PLS1: variants seen among roughly 807,000 people sequenced by gnomAD.
PLS1 encodes plastin-1.
Under a neutral mutation model 73.7 loss-of-function variants are expected in PLS1, and 32 were observed. That is an observed-to-expected ratio of 0.43 (90% CI 0.33 to 0.58). The LOEUF (loss-of-function observed/expected upper bound fraction) is 0.58. Ranked by LOEUF, PLS1 falls within the 20% of genes least tolerant of loss-of-function variation. PLS1 has a pLI of 0.04. For missense variants in PLS1, 633 were observed against 740.5 expected, an observed-to-expected ratio of 0.85 and a Z score of 1.68; for synonymous variants, 217 against 261.3, an observed-to-expected ratio of 0.83 and a Z score of 1.63.
At chr3:142,596,849 G>C (rs1011688093) in intron 1 of PLS1, among the ~76,000 whole-genome samples, 1 of 152,198 alleles carries the variant, frequency 6.6e-6, no homozygotes, top group Admixed American at 6.5e-5. Flanking sequence ...TTCTGAACCA[G>C]CCTGTTTTGT....
chr3:142,638,117 T>C (rs1209649435), intron 1 of PLS1, among the ~76,000 whole-genome samples: 1 of 152,186 alleles, frequency 6.6e-6, no homozygotes, highest in Non-Finnish European at 1.5e-5. Context: ...AATAAAACTT[T>C]TTTATTCTAT....
chr3:142,648,988 C>T (rs2037019988), intron 1 of PLS1, among the ~76,000 whole-genome samples: 1 of 152,114 alleles, frequency 6.6e-6, no homozygotes, highest in Non-Finnish European at 1.5e-5. Flanking sequence ...ATATTTTTTA[C>T]TCTCAGATAC....
At chr3:142,701,388 T>C (rs1356603083) in intron 12 of PLS1, among the ~76,000 whole-genome samples, 1 of 152,308 alleles carries the variant, frequency 6.6e-6, no homozygotes, top group East Asian at 1.9e-4. Flanking sequence ...AAGCTGAAAA[T>C]CTGAAATGCT....
At chr3:142,685,691 T>G (rs1400379818) in intron 8 of PLS1, among the ~76,000 whole-genome samples, 1 of 152,226 alleles carries the variant, frequency 6.6e-6, no homozygotes, top group Non-Finnish European at 1.5e-5. Flanking sequence ...TCTTAAGATT[T>G]GGGCGTGGAA....
intron 1 of PLS1, among the ~76,000 whole-genome samples, chr3:142,602,687 T>G (rs940684340): frequency 6.6e-6 from 1 of 151,924 alleles, no homozygotes; most frequent in Non-Finnish European, 1.5e-5. Context: ...CATAGAGAAC[T>G]TACTCTCCTG....
At position 142,694,483 on chromosome 3, in the gene PLS1, G is replaced by A. The variant is rs1414660123; in HGVS notation, c.1192G>A (p.Glu398Lys). 1 of 1,602,906 alleles carries A rather than the reference G, an allele frequency of 6.2e-7. No individual in the cohort carries two copies. The highest frequency in any genetic ancestry group is 1.1e-5 in the South Asian group (1 of 90,818). Residue 398 changes from glutamate to lysine, a missense_variant, in exon 11 of 16, where the codon GAG (glutamate) becomes AAG (lysine). Transcript: ENST00000457734. ...MNLLEGESKE[E>K]RTFRNWMNSL... Reference sequence around the variant, plus strand: ...GTCTACTCTAGGAGAGAGCAAGGAAGAGAGAACATTTCGGAACTGGATGAA... The same window carrying A: ...GTCTACTCTAGGAGAGAGCAAGGAAAAGAGAACATTTCGGAACTGGATGAA...
intron 1 of PLS1, among the ~76,000 whole-genome samples, chr3:142,660,365 T>C (rs2037342636): frequency 6.6e-6 from 1 of 152,174 alleles, no homozygotes; most frequent in Non-Finnish European, 1.5e-5. Context: ...CCCATTCCAA[T>C]AAACCCGTCC....
intron 14 of PLS1, among the ~76,000 whole-genome samples, chr3:142,710,314 G>A (rs1253740984): frequency 2.6e-5 from 4 of 151,982 alleles, no homozygotes; most frequent in African/African-American, 7.3e-5. Flanking sequence ...AGGGGTTGCT[G>A]GCTTTCCATA....
At chr3:142,659,182 A>G (rs1021126090) in intron 1 of PLS1, among the ~76,000 whole-genome samples, 12 of 152,172 alleles carry the variant, frequency 7.9e-5, no homozygotes, top group Non-Finnish European at 1.8e-4. Context: ...AGAATAAAGG[A>G]AAAAGGAAAT....
At chr3:142,600,943 A>T (rs1198763804) in intron 1 of PLS1, among the ~76,000 whole-genome samples, 2 of 19,542 alleles carry the variant, frequency 1.0e-4, no homozygotes, top group Non-Finnish European at 1.8e-4. Flanking sequence ...TTTTTTTTTG[A>T]GACGGAGTCT....
At chr3:142,694,870 TTTA>T (rs1454659229) in intron 11 of PLS1, among the ~76,000 whole-genome samples, 8 of 152,228 alleles carry the variant, frequency 5.3e-5, no homozygotes, top group Non-Finnish European at 1.0e-4. Context: ...TATCAGTATT[TTTA>T]TTATGTCATT....
intron 6 of PLS1, among the ~76,000 whole-genome samples, chr3:142,679,093 G>A (rs1351417461): frequency 3.3e-5 from 5 of 151,216 alleles, no homozygotes; most frequent in Non-Finnish European, 1.5e-5. Flanking sequence ...GTCTGTTCAT[G>A]TCCTTCACCC....
At chr3:142,698,182 T>C (rs2038251068) in intron 12 of PLS1, 115 bp downstream of exon 12, 3 of 624,868 alleles carry the variant, frequency 4.8e-6, no homozygotes, top group Non-Finnish European at 8.4e-6. Context: ...CAGACCAAAA[T>C]GTGTTAAGCT....
chr3:142,626,919 G>C (rs1171648624), intron 1 of PLS1, among the ~76,000 whole-genome samples: 1 of 152,214 alleles, frequency 6.6e-6, no homozygotes, highest in Non-Finnish European at 1.5e-5. Flanking sequence ...AAAAAGGAAT[G>C]ACAGTCACTG....
chr3:142,689,422 C>CTAAATACA, intron 9 of PLS1, among the ~76,000 whole-genome samples, 196 bp from the exon 10 acceptor site: 1 of 118,078 alleles, frequency 8.5e-6, no homozygotes, highest in East Asian at 2.3e-4. Flanking sequence ...GACTCTGTCT[C>CTAAATACA]TAAATACATA....
At chr3:142,644,421 A>G (rs1251112612) in intron 1 of PLS1, among the ~76,000 whole-genome samples, 1 of 151,222 alleles carries the variant, frequency 6.6e-6, no homozygotes, top group East Asian at 2.0e-4. Flanking sequence ...TGGCTAATTT[A>G]TTTTTATTTT....
intron 1 of PLS1, among the ~76,000 whole-genome samples, chr3:142,651,462 CAAAAAAAAAAAAA>C (rs57909380): frequency 9.8e-6 from 1 of 102,290 alleles, no homozygotes; most frequent in African/African-American, 3.8e-5. Context: ...AACTCTGTCT[CAAAAAAAAAAAAA>C]AAAAAAAAAA....
intron 1 of PLS1, among the ~76,000 whole-genome samples, chr3:142,617,243 G>A (rs543590876): frequency 6.6e-6 from 1 of 151,858 alleles, no homozygotes; most frequent in South Asian, 2.1e-4. Context: ...ATGGATGCCA[G>A]CCTCTTGTAA....
intron 2 of PLS1, among the ~76,000 whole-genome samples, chr3:142,665,005 G>A (rs2037449286): frequency 6.7e-6 from 1 of 150,022 alleles, no homozygotes; most frequent in Non-Finnish European, 1.5e-5. Flanking sequence ...GCAAATGCAT[G>A]CAAGTGAAAG....
Sources: allele counts gnomAD v4.1 joint callset (sites outside exome capture counted in the v4.1 genomes callset), GRCh38; gene constraint gnomAD v4.1.1; transcripts MANE v1.5; gene names NCBI Gene and HGNC (gene_info 2026-07-23, HGNC 2026-07-21).